Variants in CXXC1 observed in about 807,000 individuals in gnomAD.
CXXC1 encodes the protein CXXC-type zinc finger protein 1.
CXXC1 carries 21 observed loss-of-function variants against 83.6 expected under a neutral mutation model. The ratio of observed to expected loss-of-function variants is 0.25; its 90% CI spans 0.18 to 0.36. The LOEUF is 0.36. CXXC1 is among the 10% of genes least tolerant of loss of function. The probability of loss-of-function intolerance (pLI) is 1.00; values close to 1 mark genes in which losing one functional copy is unlikely to be tolerated. For synonymous variants in CXXC1, 371 were observed against 337.5 expected, an observed-to-expected ratio of 1.10 and a Z score of -1.09; for missense variants, 688 against 919.5, an observed-to-expected ratio of 0.75 and a Z score of 3.26.
At position 50,282,659 on chromosome 18, in the gene CXXC1, C is replaced by G. The variant is rs1406774637; in HGVS notation, c.1905G>C (p.Leu635=). 1.2e-6 allele frequency: 2 copies of G among 1,613,186 alleles called. No homozygotes were observed. The highest frequency in any genetic ancestry group is 8.5e-7 in the Non-Finnish European group (1 of 1,180,028). ...AMTNRAGLLA[L]MLHQTIQHDP... The stretch of plus-strand genomic sequence containing the variant: ...CGTGCTGGATCGTCTGGTGCAGCAT[C>G]AGGGCCAGCAATCCCGCGCGGTTTG... Residue 635 remains leucine (L), a synonymous_variant, in exon 15 of 15, where the codon CTG becomes CTC. Coordinates refer to ENST00000285106, the MANE Select transcript of CXXC1 (RefSeq NM_014593.4). The surrounding 1 kb of genome is among the most constrained non-coding windows in gnomAD (Gnocchi z 5.8).
Position 50,285,224 on chromosome 18 carries a change from C to G in CXXC1, c.690G>C (p.Glu230Asp), listed in dbSNP as rs1438475864. 1.2e-6 allele frequency: 2 copies of G among 1,614,066 alleles called. No homozygotes were observed. Among genetic ancestry groups the G allele is most frequent in the South Asian group, 2.2e-5 (2 of 91,082 alleles). The change falls in exon 7 of 15, where the codon GAG becomes GAC. Residue 230 changes from glutamate (E) to aspartate (D), a missense_variant. Coordinates refer to ENST00000285106, the MANE Select transcript of CXXC1 (RefSeq NM_014593.4). The surrounding 1 kb of genome is among the most constrained non-coding windows in gnomAD (Gnocchi z 4.4). Reference sequence around the variant, plus strand: ...GTGGCCGGCGGGGCCTTGGCAGGGACTCTGAGGGCGTCACTGGTGAGAGCT... The same window carrying G: ...GTGGCCGGCGGGGCCTTGGCAGGGAGTCTGAGGGCGTCACTGGTGAGAGCT... The part of the protein sequence containing the change: ...PSSLSPVTPS[E>D]SLPRPRRPLP...
Position 50,283,981 on chromosome 18 carries a change from A to G in CXXC1, c.1326T>C (p.Thr442=), listed in dbSNP as rs7228084. 1,154,227 of 1,613,334 alleles carry G rather than the reference A, an allele frequency of 0.72. 414,103 individuals are homozygous for G. The highest frequency in any genetic ancestry group is 0.77 in the Admixed American group (46,415 of 60,006). ...RIRREQQSAR[T]RLQEMERRFH... ...ATCGGCGTTCCATTTCCTGAAGGCG[A>G]GTGCGGGCACTCTGCTGCTCTCGGC... Residue 442 remains threonine, a synonymous_variant, in exon 10 of 15, where the codon ACT becomes ACC. Transcript: ENST00000285106.
intron 9 of CXXC1, 37 bp from the exon 10 acceptor site, chr18:50,284,138 T>C (rs779507648): frequency 1.3e-6 from 2 of 1,583,374 alleles, no homozygotes; most frequent in Non-Finnish European, 1.7e-6. Context: ...ATGAGTGAGG[T>C]GATCAGTAAG....
chr18:50,282,435 C>G lies in CXXC1; in HGVS notation c.*158G>C. 2.2e-6 allele frequency: 2 copies of G among 907,520 alleles called. No individual in the cohort carries two copies. The highest frequency in any genetic ancestry group is 3.4e-6 in the Non-Finnish European group (2 of 583,650). The allele number at this position is 907,520 out of a possible 1,614,324, so 56.2% of individuals were successfully genotyped here. A position where few individuals can be genotyped will look rare whatever the true frequency, so the allele number is the denominator to read the frequency against. On this transcript the variant is annotated 3_prime_UTR_variant, in exon 15 of 15. Transcript: ENST00000285106. This position sits in a 1 kb window ranked among gnomAD's most constrained non-coding sequence, Gnocchi z 5.8. ...CAGCCCCACCAGGCACTGAACATGTCGACGGGGACAGTCCCTCTGATAAAG... is the reference window on the plus strand; with the variant it reads ...CAGCCCCACCAGGCACTGAACATGTGGACGGGGACAGTCCCTCTGATAAAG...
Position 50,283,401 on chromosome 18 carries a change from G to A in CXXC1, c.1575-40C>T, listed in dbSNP as rs761055392. 25 of 1,596,634 alleles carry A rather than the reference G, an allele frequency of 1.6e-5. No homozygotes were observed. In the South Asian group the frequency reaches 2.2e-4, roughly 14 times the overall value. ...TAGAGAGGGCAGTAGAGGGAGGGAA[G>A]GGAGGTCCATCTGTCCTGGCTGGTT... On this transcript the variant is annotated intron_variant, in intron 12 of 14. Coordinates refer to ENST00000285106, the MANE Select transcript of CXXC1 (RefSeq NM_014593.4).
rs199688442 is a variant in CXXC1 at position 50,284,974 on chromosome 18, C to T, written c.912+28G>A. On this transcript the variant is annotated intron_variant, in intron 7 of 14. Coordinates refer to ENST00000285106, the MANE Select transcript of CXXC1 (RefSeq NM_014593.4). ...CTCTGCTTCTGTAACCTCCACCCTT[C>T]CACCAGTGGATGCTCCTGTCTGCTC... is the stretch of plus-strand genomic sequence containing the variant. 5.0e-5 allele frequency: 80 copies of T among 1,613,728 alleles called. No individual in the cohort carries two copies. In the African/African-American group the frequency reaches 9.2e-4, roughly 19 times the overall value.
At chr18:50,287,527 C>A in intron 1 of CXXC1, 60 bp downstream of exon 1, 1 of 1,601,952 alleles carries the variant, frequency 6.2e-7, no homozygotes. Flanking sequence ...GCCGACAGAC[C>A]CCACTGTTGC....
chr18:50,285,887 G>A lies in CXXC1; in HGVS notation c.501C>T (p.Arg167=). 6.2e-7 allele frequency: 1 copy of A among 1,614,218 alleles called. No individual in the cohort carries two copies. The highest frequency in any genetic ancestry group is 1.3e-5 in the African/African-American group (1 of 75,050). ...QQQQQIKRSA[R]MCGECEACRR... ...GACATGCCTCACACTCACCACACAT[G>A]CGGGCTGACCGTTTGATCTGCTGCT... The change falls in exon 5 of 15, where the codon CGC becomes CGT. Residue 167 remains arginine (R), a synonymous_variant. Transcript: ENST00000285106. This position sits in a 1 kb window ranked among gnomAD's most constrained non-coding sequence, Gnocchi z 4.4.
rs760137943 is a variant in CXXC1, at chr18:50,285,382, C to T, written c.640-31G>A. ...CCGGCAGGAGGAAGGCCCAGGTCAG[C>T]CCCAGGTGGATGGAGGGCGGCCTTG... On this transcript the variant is annotated intron_variant, in intron 5 of 14. Coordinates refer to ENST00000285106, the MANE Select transcript of CXXC1 (RefSeq NM_014593.4). This position sits in a 1 kb window ranked among gnomAD's most constrained non-coding sequence, Gnocchi z 4.4. 2 of 1,566,618 alleles carry T rather than the reference C, an allele frequency of 1.3e-6. No individual in the cohort carries two copies. The highest frequency in any genetic ancestry group is 1.7e-6 in the Non-Finnish European group (2 of 1,155,782).
chr18:50,284,046 T>C lies in CXXC1; in HGVS notation c.1261A>G (p.Ile421Val), dbSNP rs1430285088. The C allele has an allele frequency of 6.2e-7, 1 of 1,611,448 alleles. No individual in the cohort carries two copies. The highest frequency in any genetic ancestry group is 8.5e-7 in the Non-Finnish European group (1 of 1,179,896). ...AGCTTCTTGCCGTGCTCTTCAGCAATGCAAGGGCTCTGCTGCCACTGCTGG... is the reference window on the plus strand; with the variant it reads ...AGCTTCTTGCCGTGCTCTTCAGCAACGCAAGGGCTCTGCTGCCACTGCTGG... ...RIQQWQQSPCIAEEHGKKLLE... is the reference protein window; with the variant it reads ...RIQQWQQSPCVAEEHGKKLLE... The change falls in exon 10 of 15, where the codon ATT (isoleucine) becomes GTT (valine). Residue 421 changes from isoleucine (I) to valine (V), a missense_variant. By Grantham distance (29) the Ile-to-Val change is conservative. Transcript: ENST00000285106.
rs777708237 is a variant in CXXC1 at position 50,283,349 on chromosome 18, G to C, written c.1587C>G (p.Leu529=). 6.2e-6 allele frequency: 10 copies of C among 1,613,870 alleles called. No individual in the cohort carries two copies. The highest frequency in any genetic ancestry group is 3.3e-4 in the Middle Eastern group (2 of 6,080). Residue 529 remains leucine, a synonymous_variant, in exon 13 of 15, where the codon CTC becomes CTG. Coordinates refer to ENST00000285106, the MANE Select transcript of CXXC1 (RefSeq NM_014593.4). ...TCTGAGGATTATACACATCACAGAA[G>C]AGTCGTGTGGCCCTGGGGATTTGGA... ...YPTRIEGATR[L]FCDVYNPQSK... is the part of the protein sequence containing the mutation.
chr18:50,283,129 A>G (rs988440277), intron 13 of CXXC1, 123 bp from the exon 14 acceptor site: 5 of 1,300,044 alleles, frequency 3.8e-6, no homozygotes, highest in Non-Finnish European at 5.5e-6. Flanking sequence ...ATGGAAAAGG[A>G]GGAATGGAGG....
At chr18:50,286,973 T>A in intron 1 of CXXC1, 115 bp from the exon 2 acceptor site, 1 of 768,978 alleles carries the variant, frequency 1.3e-6, no homozygotes, top group South Asian at 1.5e-5. Context: ...AGATTTCACA[T>A]CGGGGCCCCC....
Position 50,286,426 on chromosome 18 carries a change from C to T in CXXC1, c.223+113G>A, listed in dbSNP as rs1394894364. On this transcript the variant is annotated intron_variant, in intron 3 of 14. Coordinates refer to ENST00000285106, the MANE Select transcript of CXXC1 (RefSeq NM_014593.4). ...GGATCTTCTATTACTCACAATGGAG[C>T]CCCATTCCAGCTCACCACAGACGTG... 8.3e-6 allele frequency: 9 copies of T among 1,080,980 alleles called. No homozygotes were observed. The South Asian group carries it at 8.3e-5, about 10-fold the overall frequency. The allele number at this position is 1,080,980 out of a possible 1,614,324, so 67.0% of individuals were successfully genotyped here. A position where few individuals can be genotyped will look rare whatever the true frequency, so the allele number is the denominator to read the frequency against.
chr18:50,286,397 C>T lies in CXXC1; in HGVS notation c.224-140G>A, dbSNP rs2040715078. On this transcript the variant is annotated intron_variant, in intron 3 of 14. Transcript: ENST00000285106. ...TGTCCAGGGCAGAGCTGCCTCTTCCCGTGGGATCTTCTATTACTCACAATG... is the reference window on the plus strand; with the variant it reads ...TGTCCAGGGCAGAGCTGCCTCTTCCTGTGGGATCTTCTATTACTCACAATG... 12 of 1,059,054 alleles carry T rather than the reference C, an allele frequency of 1.1e-5. 1 individual carries two copies. In the South Asian group the frequency reaches 1.3e-4, roughly 11 times the overall value. The allele number at this position is 1,059,054 out of a possible 1,614,324, so 65.6% of individuals were successfully genotyped here.
In CXXC1 at chr18:50,286,148, C is replaced by A. The variant is rs778917305; in HGVS notation, c.333G>T (p.Arg111Ser). 1.1e-5 allele frequency: 17 copies of A among 1,613,868 alleles called. No individual in the cohort carries two copies. In the East Asian group the frequency reaches 3.8e-4, roughly 36 times the overall value. ...EPRDEGGGRK[R>S]PVPDPDLQRR... Reference sequence around the variant, plus strand: ...GCTGCAGGTCTGGATCAGGGACAGGCCTCTTGCGCCCTCCACCCTCATCCC... The same window carrying A: ...GCTGCAGGTCTGGATCAGGGACAGGACTCTTGCGCCCTCCACCCTCATCCC... Residue 111 changes from arginine to serine, a missense_variant, in exon 4 of 15, where the codon AGG (arginine) becomes AGT (serine). By Grantham distance (110) the Arg-to-Ser change is moderately radical (BLOSUM62 -1). This residue lies in a region of CXXC1 where 142 missense variants were observed against 150.7 expected (regional missense o/e 0.94). Coordinates refer to ENST00000285106, the MANE Select transcript of CXXC1 (RefSeq NM_014593.4).
rs748770663 is a variant in CXXC1 at position 50,282,931 on chromosome 18, G to A, written c.1747C>T (p.Pro583Ser). The stretch of plus-strand genomic sequence containing the variant: ...TAATGGCGATTGCACTGGCGCTTGG[G>A]CAGGCGGCAGAAGTCACCCGTGAGC... ...FELTGDFCRL[P>S]KRQCNRHYCW... Residue 583 changes from proline (P) to serine (S), a missense_variant, in exon 14 of 15, where the codon CCC becomes TCC. Physicochemically the swap from Pro to Ser is moderately conservative, Grantham distance 74. Around this residue, in one of 9 missense-constraint regions of CXXC1, gnomAD observed 114 missense variants for 173.3 expected, o/e 0.66. Coordinates refer to ENST00000285106, the MANE Select transcript of CXXC1 (RefSeq NM_014593.4). The surrounding 1 kb of genome is among the most constrained non-coding windows in gnomAD (Gnocchi z 5.8). 5.0e-6 allele frequency: 8 copies of A among 1,614,076 alleles called. No individual in the cohort carries two copies. In the African/African-American group the frequency reaches 1.1e-4, roughly 22 times the overall value.
In CXXC1 at chr18:50,286,726, T is replaced by A; in HGVS notation, c.122+14A>T. The A allele has an allele frequency of 1.2e-6, 2 of 1,611,658 alleles. No individual in the cohort carries two copies. Among genetic ancestry groups the A allele is most frequent in the Non-Finnish European group, 1.7e-6 (2 of 1,177,816 alleles). On this transcript the variant is annotated intron_variant, in intron 2 of 14. Transcript: ENST00000285106. Reference sequence around the variant, plus strand: ...CCTGCCAGTGTCAGCCCCGCCCATCTCTCCCGCGCTCACATCATGAAGCAG... The same window carrying A: ...CCTGCCAGTGTCAGCCCCGCCCATCACTCCCGCGCTCACATCATGAAGCAG...
At chr18:50,286,363 C>T (rs1194560360) in intron 3 of CXXC1, 106 bp from the exon 4 acceptor site, 11 of 1,156,400 alleles carry the variant, frequency 9.5e-6, no homozygotes, top group African/African-American at 1.5e-5. Flanking sequence ...CCCACCTACT[C>T]TGCACCCCTG....
Sources: allele counts gnomAD v4.1 joint callset, GRCh38; gene constraint gnomAD v4.1.1; regional missense constraint gnomAD v4.1.1; non-coding constraint Gnocchi (gnomAD v3.1); transcripts MANE v1.5; gene names NCBI Gene and HGNC (gene_info 2026-07-23, HGNC 2026-07-21).